Variants in DPYD observed in about 807,000 individuals in gnomAD.
The protein encoded by DPYD is dihydropyrimidine dehydrogenase, also known as dihydropyrimidine dehydrogenase [NADP(+)].
In DPYD, 109 loss-of-function variants were observed where a neutral mutation model predicts 116.2. That is an observed-to-expected ratio of 0.94 (90% CI 0.80 to 1.10). The LOEUF (loss-of-function observed/expected upper bound fraction) is 1.10. Ranked by LOEUF, DPYD falls within the 50% of genes least tolerant of loss-of-function variation. The pLI is 0.00. For synonymous variants in DPYD, 440 were observed against 432.0 expected, an observed-to-expected ratio of 1.02 and a Z score of -0.23; for missense variants, 1,302 against 1,254.5, an observed-to-expected ratio of 1.04 and a Z score of -0.57.
chr1:97,398,473 C>G (rs1401798622), intron 14 of DPYD, among the ~76,000 whole-genome samples: 1 of 152,018 alleles, frequency 6.6e-6, no homozygotes, highest in Non-Finnish European at 1.5e-5. Context: ...GTAATGGGAT[C>G]ACTAGGTCAA....
chr1:97,571,433 G>T (rs536099806), intron 11 of DPYD, among the ~76,000 whole-genome samples: 1 of 151,984 alleles, frequency 6.6e-6, no homozygotes, highest in East Asian at 1.9e-4. Flanking sequence ...ATTTTAAACA[G>T]AATTCTTAAC....
At chr1:97,762,693 G>C (rs1422566700) in intron 3 of DPYD, among the ~76,000 whole-genome samples, 1 of 151,982 alleles carries the variant, frequency 6.6e-6, no homozygotes, top group Non-Finnish European at 1.5e-5. Flanking sequence ...GAGAACTTCA[G>C]TATTTCTTGA....
chr1:97,430,865 T>A (rs541033647), intron 14 of DPYD, among the ~76,000 whole-genome samples: 1 of 152,098 alleles, frequency 6.6e-6, no homozygotes, highest in Non-Finnish European at 1.5e-5. Context: ...CTATATCAAT[T>A]TGTAAACATT....
At chr1:97,387,172 A>T (rs1253672656) in intron 14 of DPYD, among the ~76,000 whole-genome samples, 1 of 152,120 alleles carries the variant, frequency 6.6e-6, no homozygotes, top group African/African-American at 2.4e-5. Flanking sequence ...AGTGAAACCC[A>T]GATGCTACAC....
rs117235279 is a variant in DPYD at position 97,566,957 on chromosome 1, T to C, written c.1339+6803A>G. Among the ~76,000 whole-genome samples the C allele has an allele frequency of 7.9e-5, 12 of 152,316 alleles. No individual in the cohort carries two copies. The East Asian group carries it at 1.7e-3, about 22-fold the overall frequency. ...TACTGATTCCAGGTCTTTTAAAACA[T>C]AGCTAACTACCATTTTTGAATACCT... On this transcript the variant is annotated intron_variant, in intron 11 of 22. Coordinates refer to ENST00000370192, the MANE Select transcript of DPYD (RefSeq NM_000110.4).
intron 16 of DPYD, among the ~76,000 whole-genome samples, chr1:97,325,506 G>T (rs1404501458): frequency 1.3e-5 from 2 of 151,920 alleles, no homozygotes; most frequent in East Asian, 3.9e-4. Context: ...CAACTATCCT[G>T]CCTCTAACCA....
intron 20 of DPYD, among the ~76,000 whole-genome samples, chr1:97,164,056 T>G (rs1656123883): frequency 6.6e-6 from 1 of 152,130 alleles, no homozygotes; most frequent in South Asian, 2.1e-4. Context: ...AATTCAGAAG[T>G]GCATCAAGAA....
chr1:97,778,346 C>T (rs1467565282), intron 3 of DPYD, among the ~76,000 whole-genome samples: 2 of 151,764 alleles, frequency 1.3e-5, no homozygotes. Flanking sequence ...AATTCTTCAA[C>T]AGTCTTGTGT....
At chr1:97,554,836 A>G (rs1036636503) in intron 11 of DPYD, among the ~76,000 whole-genome samples, 1 of 152,124 alleles carries the variant, frequency 6.6e-6, no homozygotes, top group Non-Finnish European at 1.5e-5. Context: ...CTCTCAGAAG[A>G]TAACCTTGAT....
At chr1:97,906,458 T>G (rs1673625563) in intron 1 of DPYD, among the ~76,000 whole-genome samples, 1 of 152,070 alleles carries the variant, frequency 6.6e-6, no homozygotes, top group East Asian at 1.9e-4. Context: ...AGGAGATGCA[T>G]TTATCTTTCT....
intron 8 of DPYD, among the ~76,000 whole-genome samples, chr1:97,675,929 AG>A (rs1202517139): frequency 6.6e-6 from 1 of 151,822 alleles, no homozygotes; most frequent in South Asian, 2.1e-4. Context: ...TTGTATTTTT[AG>A]TAGAGACGGG....
intron 19 of DPYD, among the ~76,000 whole-genome samples, chr1:97,218,482 T>C (rs1230724791): frequency 2.0e-5 from 3 of 151,740 alleles, no homozygotes; most frequent in African/African-American, 7.3e-5. Context: ...GTTATATTTT[T>C]GGTCTAGAGC....
chr1:97,723,168 T>C (rs1663018745), intron 4 of DPYD, among the ~76,000 whole-genome samples: 2 of 151,672 alleles, frequency 1.3e-5, no homozygotes, highest in South Asian at 4.1e-4. Context: ...GGTTTAACAG[T>C]ATTTGTCTTG....
At chr1:97,409,861 T>C (rs1673878451) in intron 14 of DPYD, among the ~76,000 whole-genome samples, 1 of 152,138 alleles carries the variant, frequency 6.6e-6, no homozygotes, top group Non-Finnish European at 1.5e-5. Flanking sequence ...GCGGATCACC[T>C]GAAGTCAGGA....
intron 3 of DPYD, among the ~76,000 whole-genome samples, chr1:97,825,619 C>A (rs1468767151): frequency 2.3e-5 from 1 of 42,914 alleles, no homozygotes; most frequent in Non-Finnish European, 3.8e-5. Context: ...CAGGGCCTGT[C>A]ATGGGGTGGG....
At chr1:97,476,392 A>T (rs558098627) in intron 13 of DPYD, among the ~76,000 whole-genome samples, 1 of 152,220 alleles carries the variant, frequency 6.6e-6, no homozygotes, top group South Asian at 2.1e-4. Flanking sequence ...AAAAATATGA[A>T]CAATTCACAA....
intron 16 of DPYD, among the ~76,000 whole-genome samples, chr1:97,330,068 A>G (rs2101154860): frequency 6.6e-6 from 1 of 152,236 alleles, no homozygotes; most frequent in Non-Finnish European, 1.5e-5. Context: ...CTAATATACA[A>G]GAAACATTTT....
intron 20 of DPYD, among the ~76,000 whole-genome samples, chr1:97,188,791 G>C (rs1458259631): frequency 6.6e-6 from 1 of 152,160 alleles, no homozygotes; most frequent in Non-Finnish European, 1.5e-5. Context: ...CTGGCACACA[G>C]TCTGTGTTCT....
chr1:97,250,445 T>C (rs891052156), intron 18 of DPYD, among the ~76,000 whole-genome samples: 3 of 152,154 alleles, frequency 2.0e-5, no homozygotes. Context: ...AAAATGTTCA[T>C]GACAGCCTTA....
Sources: allele counts gnomAD v4.1 joint callset (sites outside exome capture counted in the v4.1 genomes callset), GRCh38; gene constraint gnomAD v4.1.1; transcripts MANE v1.5; gene names NCBI Gene and HGNC (gene_info 2026-07-23, HGNC 2026-07-21).